Variants in OLFM3 observed in about 807,000 individuals in gnomAD.
OLFM3 encodes the protein noelin-3.
OLFM3 carries 20 observed loss-of-function variants against 48.6 expected under a neutral mutation model. The ratio of observed to expected loss-of-function variants is 0.41; its 90% CI spans 0.29 to 0.60. OLFM3 has a LOEUF of 0.60. OLFM3 is among the 20% of genes least tolerant of loss of function. OLFM3 has a pLI of 0.28. For synonymous variants in OLFM3, 222 were observed against 198.1 expected, an observed-to-expected ratio of 1.12 and a Z score of -1.01; for missense variants, 437 against 544.3, an observed-to-expected ratio of 0.80 and a Z score of 1.96.
intron 1 of OLFM3, among the ~76,000 whole-genome samples, chr1:101,877,766 A>G (rs759011395): frequency 6.6e-6 from 1 of 151,856 alleles, no homozygotes; most frequent in Non-Finnish European, 1.5e-5. Context: ...CTTAGATGTT[A>G]ACATTGTGTT....
intron 1 of OLFM3, among the ~76,000 whole-genome samples, chr1:101,918,113 G>C (rs1174166216): frequency 6.6e-6 from 1 of 152,072 alleles, no homozygotes; most frequent in Admixed American, 6.6e-5. Flanking sequence ...GAAATTCAAC[G>C]ATCATTTATT....
chr1:101,964,166 A>G (rs1660546308), intron 1 of OLFM3, among the ~76,000 whole-genome samples: 1 of 152,132 alleles, frequency 6.6e-6, no homozygotes. Context: ...GTAGGTGGTG[A>G]TGGTGGTTGT....
rs1415082706 is a variant in OLFM3 at position 101,895,439 on chromosome 1, A to T, written c.70-58414T>A. Among the ~76,000 whole-genome samples the T allele has an allele frequency of 1.3e-5, 2 of 151,278 alleles. 1 individual carries two copies. The highest frequency in any genetic ancestry group is 3.9e-4 in the East Asian group (2 of 5,184). On this transcript the variant is annotated intron_variant, in intron 1 of 5. Transcript: ENST00000370103. ...CACACACACACACACACACACACAC[A>T]CACACACACTCACTCACATTTGATT...
intron 1 of OLFM3, among the ~76,000 whole-genome samples, chr1:101,917,575 C>T (rs1169827114): frequency 6.6e-6 from 1 of 152,104 alleles, no homozygotes; most frequent in African/African-American, 2.4e-5. Flanking sequence ...TGCCACCACA[C>T]CCAACTAATC....
rs541934499 is a variant in OLFM3, at chr1:101,856,159, A to G, written c.70-19134T>C. ...TTGTCCTCTCATCAATATGTGTAGT[A>G]AAGGTTATTTTGTGTTTTGAAAGCT... is the stretch of plus-strand genomic sequence containing the variant. On this transcript the variant is annotated intron_variant, in intron 1 of 5. Transcript: ENST00000370103. Among the ~76,000 whole-genome samples, 5 of 152,066 alleles carry G rather than the reference A, an allele frequency of 3.3e-5. No individual in the cohort carries two copies. In the South Asian group the frequency reaches 1.0e-3, roughly 32 times the overall value.
At chr1:101,891,946 C>A (rs1280144505) in intron 1 of OLFM3, among the ~76,000 whole-genome samples, 2 of 151,914 alleles carry the variant, frequency 1.3e-5, no homozygotes, top group African/African-American at 4.8e-5. Flanking sequence ...ATACTTAGTT[C>A]TCCCCAGATC....
chr1:101,931,309 G>A (rs1466906213), intron 1 of OLFM3, among the ~76,000 whole-genome samples: 3 of 152,082 alleles, frequency 2.0e-5, no homozygotes, highest in Non-Finnish European at 4.4e-5. Flanking sequence ...CCTCTCAAAG[G>A]GGAGAAATCT....
At chr1:101,921,809 G>A (rs2101038863) in intron 1 of OLFM3, among the ~76,000 whole-genome samples, 1 of 152,264 alleles carries the variant, frequency 6.6e-6, no homozygotes, top group East Asian at 1.9e-4. Flanking sequence ...TGTAATCCCA[G>A]CACTTTGGGA....
intron 1 of OLFM3, among the ~76,000 whole-genome samples, chr1:101,856,018 A>G (rs1251470124): frequency 6.6e-6 from 1 of 152,004 alleles, no homozygotes; most frequent in Non-Finnish European, 1.5e-5. Flanking sequence ...ACAACCCCAA[A>G]CATCAAAGTA....
At chr1:101,983,574 T>C (rs1661157620) in intron 1 of OLFM3, among the ~76,000 whole-genome samples, 1 of 152,236 alleles carries the variant, frequency 6.6e-6, no homozygotes. Flanking sequence ...TAAGTATTTA[T>C]TGAAAAAGTA....
chr1:101,823,972 A>G (rs1400910435), intron 4 of OLFM3, among the ~76,000 whole-genome samples: 1 of 150,102 alleles, frequency 6.7e-6, no homozygotes, highest in Non-Finnish European at 1.5e-5. Context: ...AACATTTTGC[A>G]TTTTGGATTC....
intron 1 of OLFM3, among the ~76,000 whole-genome samples, chr1:101,927,373 C>G (rs1455991879): frequency 6.6e-6 from 1 of 151,964 alleles, no homozygotes. Context: ...TCAAACATTT[C>G]TTGGCAATAT....
At chr1:101,816,801 C>T (rs1654357430) in intron 4 of OLFM3, among the ~76,000 whole-genome samples, 1 of 152,056 alleles carries the variant, frequency 6.6e-6, no homozygotes, top group African/African-American at 2.4e-5. Flanking sequence ...AAATAAACAC[C>T]ATCAGCGTTA....
At chr1:101,880,538 A>G (rs1475756736) in intron 1 of OLFM3, among the ~76,000 whole-genome samples, 1 of 151,782 alleles carries the variant, frequency 6.6e-6, no homozygotes, top group African/African-American at 2.4e-5. Context: ...GTCTTTCTGT[A>G]TTGAGAAGCC....
chr1:101,825,745 T>A (rs1053696651), intron 3 of OLFM3, among the ~76,000 whole-genome samples: 8 of 152,318 alleles, frequency 5.3e-5, no homozygotes, highest in African/African-American at 1.9e-4. Flanking sequence ...TTGTGGACTC[T>A]GGATCAGCTT....
chr1:101,807,097 G>T (rs1653812663), intron 4 of OLFM3, among the ~76,000 whole-genome samples: 1 of 151,528 alleles, frequency 6.6e-6, no homozygotes, highest in Non-Finnish European at 1.5e-5. Flanking sequence ...CACTTATTAT[G>T]CTTATCTTTC....
intron 1 of OLFM3, among the ~76,000 whole-genome samples, chr1:101,897,315 T>C (rs1164543938): frequency 6.6e-6 from 1 of 152,218 alleles, no homozygotes; most frequent in African/African-American, 2.4e-5. Context: ...AATTATACTG[T>C]ACTTATAACA....
intron 1 of OLFM3, among the ~76,000 whole-genome samples, chr1:101,965,012 T>G (rs1169316433): frequency 6.6e-6 from 1 of 152,170 alleles, no homozygotes. Flanking sequence ...TGTTCTGGCT[T>G]AAAGAGGGAA....
intron 1 of OLFM3, chr1:101,837,808 T>C (rs1288723703): frequency 6.6e-5 from 10 of 152,190 alleles, no homozygotes; most frequent in Admixed American, 5.9e-4. Context: ...GCCATGTTGA[T>C]TCATGTCTTT....
Sources: gnomAD v4.1 joint callset for allele counts (sites outside exome capture counted in the v4.1 genomes callset) on GRCh38, gnomAD v4.1.1 for gene constraint, MANE v1.5 for transcripts, NCBI Gene and HGNC (gene_info 2026-07-23, HGNC 2026-07-21) for gene names.